Variants in SMYD3 observed in about 807,000 individuals in gnomAD.
The protein encoded by SMYD3 is SET and MYND domain containing 3.
SMYD3 carries 36 observed loss-of-function variants against 57.7 expected under a neutral mutation model. That is an observed-to-expected ratio of 0.62 (90% CI 0.48 to 0.82). The LOEUF is 0.82. Ranked by LOEUF, SMYD3 falls within the 40% of genes least tolerant of loss-of-function variation. The pLI, the probability that SMYD3 is intolerant of heterozygous loss-of-function variation, is 0.00. For synonymous variants in SMYD3, 211 were observed against 195.0 expected, an observed-to-expected ratio of 1.08 and a Z score of -0.68; for missense variants, 515 against 538.8, an observed-to-expected ratio of 0.96 and a Z score of 0.44.
chr1:245,782,541 G>A (rs1159951662), intron 10 of SMYD3, among the ~76,000 whole-genome samples: 1 of 152,162 alleles, frequency 6.6e-6, no homozygotes, highest in Admixed American at 6.5e-5. Context: ...GAAGCTGCTG[G>A]CAATGCTTTT....
chr1:246,449,480 G>A (rs186810261), intron 1 of SMYD3, among the ~76,000 whole-genome samples: 6 of 152,304 alleles, frequency 3.9e-5, no homozygotes, highest in African/African-American at 2.4e-5. Context: ...ATATGGGGCA[G>A]GAGGGACCTG....
At chr1:246,316,792 A>C (rs1177236535) in intron 5 of SMYD3, among the ~76,000 whole-genome samples, 2 of 150,796 alleles carry the variant, frequency 1.3e-5, no homozygotes, top group African/African-American at 2.4e-5. Flanking sequence ...TCAAGAGATC[A>C]AGACCATCCT....
intron 5 of SMYD3, among the ~76,000 whole-genome samples, chr1:245,991,256 C>T (rs2148114299): frequency 6.6e-6 from 1 of 152,270 alleles, no homozygotes; most frequent in East Asian, 1.9e-4. Flanking sequence ...CTATCTGAGC[C>T]AGGGCAGGTG....
chr1:245,805,546 C>T (rs1327669056), intron 10 of SMYD3, among the ~76,000 whole-genome samples: 2 of 152,210 alleles, frequency 1.3e-5, no homozygotes, highest in Non-Finnish European at 2.9e-5. Context: ...AGTCTTCCTG[C>T]ATAAATTCTG....
At chr1:245,987,591 C>G (rs2148099345) in intron 5 of SMYD3, among the ~76,000 whole-genome samples, 1 of 152,312 alleles carries the variant, frequency 6.6e-6, no homozygotes, top group South Asian at 2.1e-4. Context: ...TTAACTTATT[C>G]CTCACAACGA....
At chr1:245,889,266 TA>T (rs67947544) in intron 8 of SMYD3, among the ~76,000 whole-genome samples, 9 of 152,206 alleles carry the variant, frequency 5.9e-5, no homozygotes, top group Non-Finnish European at 1.3e-4. Flanking sequence ...GAAAAATAAA[TA>T]GGTTATTTTT....
chr1:246,224,525 T>C (rs2063301061), intron 5 of SMYD3, among the ~76,000 whole-genome samples: 1 of 151,708 alleles, frequency 6.6e-6, no homozygotes, highest in African/African-American at 2.4e-5. Context: ...CTAGGTGTAA[T>C]GGAAGTCGAT....
At chr1:245,883,669 C>T (rs2148557385) in intron 8 of SMYD3, among the ~76,000 whole-genome samples, 2 of 152,278 alleles carry the variant, frequency 1.3e-5, no homozygotes, top group Middle Eastern at 3.4e-3. Flanking sequence ...CAGCCTTTAC[C>T]CATGCTGGCC....
In SMYD3 at chr1:246,348,077, T is replaced by TATATATATATATATATATATATACAC; in HGVS notation, c.228+6953_228+6954insGTGTATATATATATATATATATATAT. 3.5e-3 allele frequency among the ~76,000 whole-genome samples: 306 copies of TATATATATATATATATATATATACAC among 86,366 alleles called. 8 individuals are homozygous for TATATATATATATATATATATATACAC. The highest frequency in any genetic ancestry group is 0.026 in the Middle Eastern group (3 of 114). The allele number at this position is 86,366 out of a possible 152,430, so 56.7% of individuals were successfully genotyped here. On this transcript the variant is annotated intron_variant, in intron 2 of 11. Coordinates refer to ENST00000490107, the MANE Select transcript of SMYD3 (RefSeq NM_001167740.2). ...AGAAAACGTTATATATATATATATATACACACACACCATCAAATACTATGA... is the reference window on the plus strand; with the variant it reads ...AGAAAACGTTATATATATATATATATATATATATATATATATATATATACACACACACACACCATCAAATACTATGA...
intron 5 of SMYD3, among the ~76,000 whole-genome samples, chr1:246,290,253 C>T (rs115389256): frequency 7.6e-4 from 116 of 152,240 alleles, no homozygotes; most frequent in Non-Finnish European, 1.1e-3. Context: ...GATTATTATC[C>T]ACTAAACTAT....
chr1:246,168,336 G>C (rs985762837), intron 5 of SMYD3, among the ~76,000 whole-genome samples: 2 of 152,148 alleles, frequency 1.3e-5, no homozygotes, highest in African/African-American at 4.8e-5. Context: ...GCCATGTAAG[G>C]GTAGAAGGAA....
rs2067900229 is a variant in SMYD3, at chr1:246,467,716, A to C, written c.164+39338T>G. Among the ~76,000 whole-genome samples, 3 of 152,218 alleles carry C rather than the reference A, an allele frequency of 2.0e-5. No individual in the cohort carries two copies. The South Asian group carries it at 6.2e-4, about 31-fold the overall frequency. ...AACTAGTACTAATTCTTCTCAAACT[A>C]TTCCAAAAAATGGAAGAGGAGGGAA... On this transcript the variant is annotated intron_variant, in intron 1 of 11. Coordinates refer to ENST00000490107, the MANE Select transcript of SMYD3 (RefSeq NM_001167740.2).
chr1:245,851,979 C>T (rs1353945056), intron 10 of SMYD3, among the ~76,000 whole-genome samples: 1 of 152,178 alleles, frequency 6.6e-6, no homozygotes, highest in Non-Finnish European at 1.5e-5. Context: ...CCAGTAGGGG[C>T]TACACATACA....
intron 5 of SMYD3, among the ~76,000 whole-genome samples, chr1:246,258,115 C>T (rs2063931608): frequency 6.6e-6 from 1 of 152,178 alleles, no homozygotes. Flanking sequence ...TGGCTCACTG[C>T]AACCTCTGCC....
chr1:246,204,685 T>C (rs764536877), intron 5 of SMYD3, among the ~76,000 whole-genome samples: 7 of 152,222 alleles, frequency 4.6e-5, no homozygotes, highest in African/African-American at 7.2e-5. Flanking sequence ...AATGGCACAA[T>C]TGAGCTTCCA....
intron 1 of SMYD3, among the ~76,000 whole-genome samples, chr1:246,468,971 C>CA (rs1165973031): frequency 6.6e-6 from 1 of 152,202 alleles, no homozygotes; most frequent in Non-Finnish European, 1.5e-5. Context: ...ACTGTGCCTT[C>CA]AGTCATTAAG....
At chr1:246,419,818 C>T (rs1572484423) in intron 1 of SMYD3, among the ~76,000 whole-genome samples, 1 of 152,354 alleles carries the variant, frequency 6.6e-6, no homozygotes, top group South Asian at 2.1e-4. Flanking sequence ...CATCCGCCCC[C>T]CTCACTCTAT....
At chr1:246,157,351 C>G (rs2062037479) in intron 5 of SMYD3, among the ~76,000 whole-genome samples, 2 of 152,116 alleles carry the variant, frequency 1.3e-5, no homozygotes, top group Non-Finnish European at 2.9e-5. Flanking sequence ...TGTCCCAGAG[C>G]CCACGTTCTT....
chr1:245,910,878 C>G (rs1213172399), intron 8 of SMYD3, among the ~76,000 whole-genome samples: 2 of 151,880 alleles, frequency 1.3e-5, no homozygotes, highest in East Asian at 3.9e-4. Flanking sequence ...GCACAGGCAA[C>G]CAAAGCAAAT....
Sources: allele counts gnomAD v4.1 joint callset (sites outside exome capture counted in the v4.1 genomes callset), GRCh38; gene constraint gnomAD v4.1.1; transcripts MANE v1.5; gene names NCBI Gene and HGNC (gene_info 2026-07-23, HGNC 2026-07-21).